Variants in TCF12 observed in about 807,000 individuals in gnomAD.
TCF12 encodes transcription factor 12.
Under a neutral mutation model 86.0 loss-of-function variants are expected in TCF12, and 45 were observed. The ratio of observed to expected loss-of-function variants is 0.52; its 90% CI spans 0.41 to 0.67. TCF12 has a LOEUF of 0.67. TCF12 is among the 30% of genes least tolerant of loss of function. The pLI is 0.00. For synonymous variants in TCF12, 330 were observed against 299.6 expected (o/e 1.10, Z -1.05); for missense variants, 881 against 859.9 (o/e 1.02, Z -0.31).
At chr15:56,935,131 T>C (rs1484688544) in intron 3 of TCF12, among the ~76,000 whole-genome samples, 1 of 152,230 alleles carries the variant, frequency 6.6e-6, no homozygotes, top group Non-Finnish European at 1.5e-5. Flanking sequence ...TATTTTTCTC[T>C]GTAGCTAATT....
chr15:57,076,863 T>A (rs774367130), intron 4 of TCF12, among the ~76,000 whole-genome samples: 1 of 152,176 alleles, frequency 6.6e-6, no homozygotes, highest in Non-Finnish European at 1.5e-5. Context: ...CGTTAATTTT[T>A]TTTTCATAAG....
intron 3 of TCF12, among the ~76,000 whole-genome samples, chr15:56,973,611 G>A (rs758744719): frequency 1.3e-5 from 2 of 152,234 alleles, no homozygotes; most frequent in Middle Eastern, 6.8e-3. Context: ...ATGGTAATAA[G>A]TGATTCATGC....
chr15:57,124,569 C>G (rs990566261), intron 5 of TCF12, among the ~76,000 whole-genome samples: 4 of 152,312 alleles, frequency 2.6e-5, no homozygotes, highest in Admixed American at 2.6e-4. Flanking sequence ...TGAAGAAATG[C>G]AGGCAGCCAC....
intron 3 of TCF12, among the ~76,000 whole-genome samples, chr15:56,961,088 C>G (rs114496680): frequency 6.9e-6 from 1 of 145,894 alleles, no homozygotes; most frequent in Non-Finnish European, 1.5e-5. Context: ...TGCAGTAGGC[C>G]GAGATCCCAC....
chr15:56,938,307 C>T (rs1595757974), intron 3 of TCF12, among the ~76,000 whole-genome samples: 1 of 151,830 alleles, frequency 6.6e-6, no homozygotes, highest in African/African-American at 2.4e-5. Flanking sequence ...ATCACAGGCA[C>T]GTGCCACCAT....
intron 3 of TCF12, among the ~76,000 whole-genome samples, chr15:56,923,041 CT>C (rs2059860251): frequency 6.6e-6 from 1 of 151,950 alleles, no homozygotes; most frequent in Non-Finnish European, 1.5e-5. Flanking sequence ...TCTGACTTTC[CT>C]TTTGAAGAGC....
intron 6 of TCF12, among the ~76,000 whole-genome samples, chr15:57,178,680 G>A (rs79606890): frequency 0.017 from 2,557 of 152,280 alleles, 63 homozygotes; most frequent in African/African-American, 0.059. Context: ...AGAACATTCA[G>A]TTAGCCCTTT....
intron 5 of TCF12, among the ~76,000 whole-genome samples, chr15:57,108,085 G>C (rs762780730): frequency 6.6e-6 from 1 of 152,150 alleles, no homozygotes; most frequent in Non-Finnish European, 1.5e-5. Flanking sequence ...CTGCACTCTT[G>C]TACCTTTGGG....
intron 8 of TCF12, among the ~76,000 whole-genome samples, chr15:57,205,144 C>T (rs555744232): frequency 1.3e-5 from 2 of 152,092 alleles, no homozygotes; most frequent in African/African-American, 4.8e-5. Flanking sequence ...GGAACCCCGC[C>T]TCTATAAAGA....
intron 3 of TCF12, among the ~76,000 whole-genome samples, chr15:57,034,395 G>C (rs1209235180): frequency 6.6e-6 from 1 of 152,028 alleles, no homozygotes; most frequent in African/African-American, 2.4e-5. Flanking sequence ...CGAGTTTGTA[G>C]CTGTACTCAA....
chr15:57,221,280 A>G (rs1272425273), intron 8 of TCF12, among the ~76,000 whole-genome samples: 5 of 152,120 alleles, frequency 3.3e-5, no homozygotes, highest in African/African-American at 9.7e-5. Context: ...TTTAATCTCT[A>G]TATAATTTTC....
intron 5 of TCF12, among the ~76,000 whole-genome samples, chr15:57,130,999 A>C (rs2052070890): frequency 6.6e-6 from 1 of 152,190 alleles, no homozygotes; most frequent in Admixed American, 6.5e-5. Context: ...TTTTTTATTT[A>C]ATTCTGTATT....
chr15:57,098,038 A>T (rs1261252343), intron 5 of TCF12, among the ~76,000 whole-genome samples: 5 of 142,424 alleles, frequency 3.5e-5, no homozygotes, highest in Non-Finnish European at 7.6e-5. Context: ...AAAAAAAACC[A>T]GTCAGGCATG....
intron 5 of TCF12, among the ~76,000 whole-genome samples, chr15:57,100,908 A>G (rs2049695514): frequency 6.6e-6 from 1 of 152,162 alleles, no homozygotes; most frequent in Non-Finnish European, 1.5e-5. Flanking sequence ...CTATTGTCTG[A>G]AGGTTTCCAT....
chr15:56,926,532 T>C (rs781268265), intron 3 of TCF12, among the ~76,000 whole-genome samples: 1 of 151,964 alleles, frequency 6.6e-6, no homozygotes, highest in Non-Finnish European at 1.5e-5. Flanking sequence ...GACAATGAAT[T>C]AGGGAAGAGA....
intron 3 of TCF12, among the ~76,000 whole-genome samples, chr15:57,027,433 C>T (rs1179963907): frequency 1.3e-5 from 2 of 152,198 alleles, no homozygotes; most frequent in South Asian, 2.1e-4. Context: ...TAGTTTTCCA[C>T]GTGCCAGTGC....
intron 3 of TCF12, among the ~76,000 whole-genome samples, chr15:56,977,893 C>T (rs1881323826): frequency 6.6e-6 from 1 of 152,132 alleles, no homozygotes; most frequent in African/African-American, 2.4e-5. Flanking sequence ...GAGTTTTCAA[C>T]TTACTGGCTT....
chr15:57,192,428 AC>A, intron 7 of TCF12, 135 bp downstream of exon 7: 2 of 1,243,268 alleles, frequency 1.6e-6, no homozygotes, highest in South Asian at 1.6e-5. Context: ...TCACTCTGTT[AC>A]CCATGCAGGA....
intron 6 of TCF12, among the ~76,000 whole-genome samples, chr15:57,169,548 CA>C (rs1260179680): frequency 6.6e-6 from 1 of 152,014 alleles, no homozygotes; most frequent in Non-Finnish European, 1.5e-5. Flanking sequence ...GAAAACATTT[CA>C]AAAAATAAAT....
Sources: allele counts gnomAD v4.1 joint callset (sites outside exome capture counted in the v4.1 genomes callset), GRCh38; gene constraint gnomAD v4.1.1; transcripts MANE v1.5; gene names NCBI Gene and HGNC (gene_info 2026-07-23, HGNC 2026-07-21).